CDYL2: variants seen among roughly 807,000 people sequenced by gnomAD.
CDYL2 encodes the protein chromodomain Y-like protein 2.
Under a neutral mutation model 49.4 loss-of-function variants are expected in CDYL2, and 23 were observed. That is an observed-to-expected ratio of 0.47 (90% CI 0.34 to 0.66). The LOEUF is 0.66. CDYL2 is among the 30% of genes least tolerant of loss of function. CDYL2 has a pLI of 0.01. For missense variants in CDYL2, 678 were observed against 656.4 expected, an observed-to-expected ratio of 1.03 and a Z score of -0.36; for synonymous variants, 360 against 268.8, an observed-to-expected ratio of 1.34 and a Z score of -3.32.
chr16:80,621,195 T>A (rs1374786406), intron 3 of CDYL2, among the ~76,000 whole-genome samples: 1 of 152,244 alleles, frequency 6.6e-6, no homozygotes, highest in African/African-American at 2.4e-5. Context: ...GGTCACTGGC[T>A]GCAGATCTGG....
intron 1 of CDYL2, among the ~76,000 whole-genome samples, chr16:80,773,013 G>A (rs988926521): frequency 5.3e-5 from 8 of 151,898 alleles, no homozygotes; most frequent in African/African-American, 1.9e-4. Context: ...AAAACATAAA[G>A]GTTATCAGAT....
At chr16:80,672,535 A>AAAAGAAAGG (rs1909564676) in intron 2 of CDYL2, among the ~76,000 whole-genome samples, 1 of 46,306 alleles carries the variant, frequency 2.2e-5, no homozygotes, top group African/African-American at 7.9e-5. Flanking sequence ...AAGGAAAAGG[A>AAAAGAAAGG]AAAGGAAAGG....
At chr16:80,677,163 G>T (rs1321363655) in intron 2 of CDYL2, among the ~76,000 whole-genome samples, 2 of 151,198 alleles carry the variant, frequency 1.3e-5, no homozygotes, top group Non-Finnish European at 2.9e-5. Context: ...GGAGAGACAG[G>T]GTTTCGCCAT....
intron 1 of CDYL2, chr16:80,738,740 T>C (rs1014188686): frequency 5.3e-5 from 8 of 152,260 alleles, no homozygotes; most frequent in Non-Finnish European, 8.8e-5. Context: ...ACTTGTACAC[T>C]TTCAATTGGT....
chr16:80,783,526 C>A (rs184851424), intron 1 of CDYL2, among the ~76,000 whole-genome samples: 9 of 152,136 alleles, frequency 5.9e-5, no homozygotes, highest in Admixed American at 2.6e-4. Flanking sequence ...ATCAAGGACT[C>A]AAACAGATAC....
At position 80,602,411 on chromosome 16, in the gene CDYL2, G is replaced by A. The variant is rs1355006147; in HGVS notation, c.*1977C>T. 1 of 152,142 alleles carries A rather than the reference G, an allele frequency of 6.6e-6. No homozygotes were observed. Among genetic ancestry groups the A allele is most frequent in the Non-Finnish European group, 1.5e-5 (1 of 68,052 alleles). The allele number at this position is 152,142 out of a possible 1,614,324, so 9.4% of individuals were successfully genotyped here. On this transcript the variant is annotated 3_prime_UTR_variant, in exon 7 of 7. Transcript: ENST00000570137. ...TCTTAAAGGAGACACGCTTTCCAGG[G>A]AGGGAACCAAGGTCATCAGAAGGAC...
At chr16:80,687,882 G>C (rs553618393) in intron 1 of CDYL2, among the ~76,000 whole-genome samples, 44 of 152,268 alleles carry the variant, frequency 2.9e-4, no homozygotes, top group Admixed American at 7.2e-4. Flanking sequence ...CAGTAATCTT[G>C]CATAGACTCC....
At chr16:80,621,821 A>G (rs78875219) in intron 3 of CDYL2, among the ~76,000 whole-genome samples, 2 of 152,090 alleles carry the variant, frequency 1.3e-5, no homozygotes, top group Non-Finnish European at 2.9e-5. Flanking sequence ...TTAGGTCTCT[A>G]TGACCTTGTC....
chr16:80,707,916 T>C lies in CDYL2; in HGVS notation c.25-22787A>G, dbSNP rs188511877. On this transcript the variant is annotated intron_variant, in intron 1 of 6. Coordinates refer to ENST00000570137, the MANE Select transcript of CDYL2 (RefSeq NM_152342.4). ...ATTGATGCCTCTTAAACCACAAGTT[T>C]TTTTCTCTCCAGTAGGGTGTTGGGT... Among the ~76,000 whole-genome samples, 161 of 152,236 alleles carry C rather than the reference T, an allele frequency of 1.1e-3. 1 individual carries two copies. The highest frequency in any genetic ancestry group is 3.7e-3 in the African/African-American group (153 of 41,550).
chr16:80,763,350 C>T (rs981595956), intron 1 of CDYL2, among the ~76,000 whole-genome samples: 6 of 90 alleles, frequency 0.067, no homozygotes, highest in African/African-American at 0.23. Flanking sequence ...GTGGCTCACA[C>T]CTGTAATCCC....
chr16:80,760,099 G>T (rs918966901), intron 1 of CDYL2, among the ~76,000 whole-genome samples: 8 of 152,174 alleles, frequency 5.3e-5, no homozygotes, highest in Admixed American at 2.0e-4. Context: ...TATAAAGATG[G>T]TTTGCTATAG....
rs964763585 is a variant in CDYL2 at position 80,696,102 on chromosome 16, A to C, written c.25-10973T>G. Among the ~76,000 whole-genome samples, 47 of 152,338 alleles carry C rather than the reference A, an allele frequency of 3.1e-4. 1 individual carries two copies. Among genetic ancestry groups the C allele is most frequent in the African/African-American group, 1.1e-3 (46 of 41,578 alleles). On this transcript the variant is annotated intron_variant, in intron 1 of 6. Transcript: ENST00000570137. ...GAAATCAATAACAAGAAAAACCTTG[A>C]AACTGTACAAATAATCGAAATTAAG...
chr16:80,668,590 T>C (rs1373135846), intron 2 of CDYL2, among the ~76,000 whole-genome samples: 1 of 152,018 alleles, frequency 6.6e-6, no homozygotes, highest in Non-Finnish European at 1.5e-5. Context: ...CACCTCTAAA[T>C]AGGATTTGGG....
chr16:80,630,486 G>C (rs1242912997), intron 3 of CDYL2, among the ~76,000 whole-genome samples: 4 of 152,152 alleles, frequency 2.6e-5, no homozygotes, highest in Admixed American at 2.6e-4. Flanking sequence ...AGGAAAAACT[G>C]GTCTCTGCAG....
Position 80,604,486 on chromosome 16 carries a change from T to C in CDYL2, c.1423A>G (p.Asn475Asp). 1 of 1,614,194 alleles carries C rather than the reference T, an allele frequency of 6.2e-7. No individual in the cohort carries two copies. The highest frequency in any genetic ancestry group is 8.5e-7 in the Non-Finnish European group (1 of 1,180,016). The stretch of plus-strand genomic sequence containing the variant: ...TTGAGCATGAGGCATTCCTTCTCGT[T>C]CACGTCTTCCAGCACTGATTTCAGG... The part of the protein sequence containing the change: ...SFLKSVLEDV[N>D]EKECLMLKQL... The change falls in exon 7 of 7, where the codon AAC (asparagine) becomes GAC (aspartate). Residue 475 changes from asparagine to aspartate, a missense_variant. Physicochemically the swap from Asn to Asp is conservative, Grantham distance 23. Transcript: ENST00000570137.
At chr16:80,623,994 G>T (rs1008940857) in intron 3 of CDYL2, among the ~76,000 whole-genome samples, 15 of 152,130 alleles carry the variant, frequency 9.9e-5, no homozygotes, top group African/African-American at 3.4e-4. Flanking sequence ...CACATGCTAC[G>T]TTCTGAGGCC....
intron 1 of CDYL2, among the ~76,000 whole-genome samples, chr16:80,788,267 C>G (rs1294218143): frequency 6.6e-6 from 1 of 152,202 alleles, no homozygotes; most frequent in East Asian, 1.9e-4. Context: ...TTTCCACCAT[C>G]ACAATTACTA....
chr16:80,633,089 C>T lies in CDYL2; in HGVS notation c.764G>A (p.Arg255Gln), dbSNP rs770953315. The change falls in exon 3 of 7, where the codon CGG (arginine) becomes CAG (glutamine). Residue 255 changes from arginine to glutamine, a missense_variant. Arg to Gln is a conservative substitution (Grantham distance 43, BLOSUM62 1). This residue lies in a region of CDYL2 where 478 missense variants were observed against 427.0 expected (regional missense o/e 1.12). Transcript: ENST00000570137. ...SNCRFRDIVV[R>Q]KEEGFTHILL... ...GATGTGCGTGAACCCTTCTTCCTTC[C>T]GCACAACGATGTCTCGAAACCGACA... 5.0e-6 allele frequency: 8 copies of T among 1,614,150 alleles called. No individual in the cohort carries two copies. The highest frequency in any genetic ancestry group is 4.4e-5 in the South Asian group (4 of 91,082).
chr16:80,722,476 G>C (rs1905029707), intron 1 of CDYL2, among the ~76,000 whole-genome samples: 1 of 152,198 alleles, frequency 6.6e-6, no homozygotes, highest in Non-Finnish European at 1.5e-5. Context: ...CTCTGGATGA[G>C]ACACCTTATC....
Sources: allele counts gnomAD v4.1 joint callset (sites outside exome capture counted in the v4.1 genomes callset), GRCh38; gene constraint gnomAD v4.1.1; regional missense constraint gnomAD v4.1.1; transcripts MANE v1.5; gene names NCBI Gene and HGNC (gene_info 2026-07-23, HGNC 2026-07-21).